The following RAB21 variants were observed in gnomAD, a reference collection of about 807,000 sequenced individuals.
The protein encoded by RAB21 is ras-related protein Rab-21.
Under a neutral mutation model 33.1 loss-of-function variants are expected in RAB21, and 13 were observed. The observed-to-expected ratio is 0.39, with a 90% CI of 0.26 to 0.62. RAB21 has a LOEUF of 0.62. RAB21 is among the 20% of genes least tolerant of loss of function. RAB21 has a pLI of 0.48. For missense variants in RAB21, 234 were observed against 279.1 expected, an observed-to-expected ratio of 0.84 and a Z score of 1.15; for synonymous variants, 91 against 103.7, an observed-to-expected ratio of 0.88 and a Z score of 0.74.
intron 4 of RAB21, among the ~76,000 whole-genome samples, chr12:71,774,837 G>A (rs1376245974): frequency 6.6e-6 from 1 of 151,586 alleles, no homozygotes; most frequent in African/African-American, 2.4e-5. Context: ...GCCTTGGGGA[G>A]CAAATTGGAA....
intron 1 of RAB21, among the ~76,000 whole-genome samples, chr12:71,767,200 T>G (rs1882973987): frequency 6.6e-6 from 1 of 152,210 alleles, no homozygotes; most frequent in Non-Finnish European, 1.5e-5. Flanking sequence ...TGTTGTCATG[T>G]GTACCCTTTC....
Position 71,795,270 on chromosome 12 carries a change from T to G in RAB21, c.*9597T>G, listed in dbSNP as rs1592655336. 6.6e-6 allele frequency: 1 copy of G among 152,224 alleles called. No homozygotes were observed. Among genetic ancestry groups the G allele is most frequent in the African/African-American group, 2.4e-5 (1 of 41,460 alleles). The allele number at this position is 152,224 out of a possible 1,614,324, so 9.4% of individuals were successfully genotyped here. ...GCCCCTTAAAAATATTGTCAAAGCA[T>G]CATGGTATTTGTAGTGGTGCTTAAA... On this transcript the variant is annotated 3_prime_UTR_variant, in exon 7 of 7. Coordinates refer to ENST00000261263, the MANE Select transcript of RAB21 (RefSeq NM_014999.4).
intron 1 of RAB21, among the ~76,000 whole-genome samples, chr12:71,757,219 T>C (rs1882798723): frequency 6.6e-6 from 1 of 152,170 alleles, no homozygotes; most frequent in South Asian, 2.1e-4. Flanking sequence ...GTGATTCTCC[T>C]GCGTCAACCT....
At chr12:71,769,943 C>CTTTTT in intron 2 of RAB21, 84 bp downstream of exon 2, 1 of 439,346 alleles carries the variant, frequency 2.3e-6, no homozygotes, top group Non-Finnish European at 3.7e-6. Flanking sequence ...TTAGCCAACA[C>CTTTTT]TTTTTTTTTT....
At position 71,782,170 on chromosome 12, in the gene RAB21, A is replaced by G. The variant is rs1883211260; in HGVS notation, c.446+85A>G. ...CGTTTTGCTTTACCATTTAGGTATT[A>G]CTCAAATCTCTTAGCATGGATTGAG... On this transcript the variant is annotated intron_variant, in intron 5 of 6. Coordinates refer to ENST00000261263, the MANE Select transcript of RAB21 (RefSeq NM_014999.4). The G allele has an allele frequency of 1.0e-5, 13 of 1,262,432 alleles. No individual in the cohort carries two copies. The East Asian group carries it at 2.8e-4, about 27-fold the overall frequency. The allele number at this position is 1,262,432 out of a possible 1,614,324, so 78.2% of individuals were successfully genotyped here.
chr12:71,785,607 T>C lies in RAB21; in HGVS notation c.612T>C (p.Gly204=). 6.2e-7 allele frequency: 1 copy of C among 1,613,570 alleles called. No individual in the cohort carries two copies. The highest frequency in any genetic ancestry group is 8.5e-7 in the Non-Finnish European group (1 of 1,179,898). ...GSSQPGTARR[G]VQIIDDEPQA... ...GTCAGCCGGGAACTGCAAGGCGAGG[T>C]GTACAGATTATTGATGATGAACCTC... The change falls in exon 7 of 7, where the codon GGT becomes GGC. Residue 204 remains glycine (G), a synonymous_variant. Transcript: ENST00000261263.
chr12:71,776,708 C>G (rs1205026390), intron 4 of RAB21, among the ~76,000 whole-genome samples: 1 of 148,770 alleles, frequency 6.7e-6, no homozygotes, highest in Non-Finnish European at 1.5e-5. Context: ...TCCAGTCTCC[C>G]GTTTAAAAAA....
intron 4 of RAB21, among the ~76,000 whole-genome samples, chr12:71,775,019 T>C (rs1367451890): frequency 6.6e-6 from 1 of 152,214 alleles, no homozygotes; most frequent in Non-Finnish European, 1.5e-5. Flanking sequence ...TTTTGAGTAA[T>C]GGTCAGATTT....
intron 1 of RAB21, among the ~76,000 whole-genome samples, chr12:71,763,097 G>GCACACACACACACACA: frequency 2.0e-5 from 1 of 50,392 alleles, no homozygotes; most frequent in South Asian, 1.6e-3. Context: ...TATTTATTTT[G>GCACACACACACACACA]CACGCACACA....
chr12:71,797,946 T>C lies in RAB21; in HGVS notation c.*12273T>C, dbSNP rs1227052647. 1.3e-5 allele frequency: 2 copies of C among 152,164 alleles called. No individual in the cohort carries two copies. The highest frequency in any genetic ancestry group is 2.9e-5 in the Non-Finnish European group (2 of 68,036). The allele number at this position is 152,164 out of a possible 1,614,324, so 9.4% of individuals were successfully genotyped here. Reference sequence around the variant, plus strand: ...TCCAGTTTAAATATGAAAACTGAAATGTTTAAAGTACCCAAAGAGGTTGTC... The same window carrying C: ...TCCAGTTTAAATATGAAAACTGAAACGTTTAAAGTACCCAAAGAGGTTGTC... On this transcript the variant is annotated 3_prime_UTR_variant, in exon 7 of 7. Coordinates refer to ENST00000261263, the MANE Select transcript of RAB21 (RefSeq NM_014999.4).
In RAB21 at chr12:71,755,305, G is replaced by T. The variant is rs1460971665; in HGVS notation, c.159+17G>T. 6.7e-7 allele frequency: 1 copy of T among 1,496,784 alleles called. No individual in the cohort carries two copies. The allele number at this position is 1,496,784 out of a possible 1,614,324, so 92.7% of individuals were successfully genotyped here. On this transcript the variant is annotated intron_variant, in intron 1 of 6. Coordinates refer to ENST00000261263, the MANE Select transcript of RAB21 (RefSeq NM_014999.4). Reference sequence around the variant, plus strand: ...ACTCTGCAGGTGCGGACCTCGGGGAGCGGGAGGGGGCGCCTCAGGGCCCCT... The same window carrying T: ...ACTCTGCAGGTGCGGACCTCGGGGATCGGGAGGGGGCGCCTCAGGGCCCCT...
At chr12:71,766,195 T>C (rs1406870351) in intron 1 of RAB21, among the ~76,000 whole-genome samples, 1 of 152,174 alleles carries the variant, frequency 6.6e-6, no homozygotes, top group Non-Finnish European at 1.5e-5. Flanking sequence ...GATGTGCTTA[T>C]CTATAATAAC....
rs535363128 is a variant in RAB21, at chr12:71,760,853, A to G, written c.159+5565A>G. Among the ~76,000 whole-genome samples the G allele has an allele frequency of 4.6e-5, 7 of 152,236 alleles. No individual in the cohort carries two copies. In the South Asian group the frequency reaches 1.4e-3, roughly 32 times the overall value. ...TAGGTGTCTGGGTGAATAACAAAGT[A>G]GTGCTGTAAGGTTGGCTAGGCAGGT... On this transcript the variant is annotated intron_variant, in intron 1 of 6. Coordinates refer to ENST00000261263, the MANE Select transcript of RAB21 (RefSeq NM_014999.4).
intron 1 of RAB21, among the ~76,000 whole-genome samples, chr12:71,764,782 T>C (rs1882934164): frequency 6.6e-6 from 1 of 152,196 alleles, no homozygotes; most frequent in Non-Finnish European, 1.5e-5. Context: ...GTAAAAGACA[T>C]TATTTCATTC....
chr12:71,772,902 T>C (rs899129842), intron 3 of RAB21, among the ~76,000 whole-genome samples: 1 of 152,246 alleles, frequency 6.6e-6, no homozygotes, highest in African/African-American at 2.4e-5. Flanking sequence ...TTGCCAAAGA[T>C]AGTTCCTCTT....
chr12:71,784,111 C>T (rs936947625), intron 6 of RAB21, among the ~76,000 whole-genome samples: 1 of 152,000 alleles, frequency 6.6e-6, no homozygotes, highest in African/African-American at 2.4e-5. Flanking sequence ...TTGGATTGTC[C>T]CACATACCTC....
intron 1 of RAB21, among the ~76,000 whole-genome samples, chr12:71,766,702 G>A (rs1262329930): frequency 6.6e-6 from 1 of 152,056 alleles, no homozygotes; most frequent in East Asian, 1.9e-4. Flanking sequence ...TTGCGTGCAT[G>A]AGTATAAGAG....
In RAB21 at chr12:71,763,101, G is replaced by GCACACACACACA. The variant is rs66460518; in HGVS notation, c.160-6682_160-6671dup. On this transcript the variant is annotated intron_variant, in intron 1 of 6. Coordinates refer to ENST00000261263, the MANE Select transcript of RAB21 (RefSeq NM_014999.4). ...ACTAGCAAGAATATTTATTTTGCAC[G>GCACACACACACA]CACACACACACACACACACACACAC... Among the ~76,000 whole-genome samples, 93 of 145,582 alleles carry GCACACACACACA rather than the reference G, an allele frequency of 6.4e-4. 1 individual carries two copies. Among genetic ancestry groups the GCACACACACACA allele is most frequent in the East Asian group, 2.0e-3 (10 of 5,060 alleles).
At chr12:71,774,756 TAAAA>T (rs34870844) in intron 4 of RAB21, among the ~76,000 whole-genome samples, 1 of 133,848 alleles carries the variant, frequency 7.5e-6, no homozygotes. Context: ...GACTGTGTCT[TAAAA>T]AAAAAAAAAA....
Sources: allele counts gnomAD v4.1 joint callset (sites outside exome capture counted in the v4.1 genomes callset), GRCh38; gene constraint gnomAD v4.1.1; transcripts MANE v1.5; gene names NCBI Gene and HGNC (gene_info 2026-07-23, HGNC 2026-07-21).